NCBP1: variants seen among roughly 807,000 people sequenced by gnomAD.
The protein encoded by NCBP1 is nuclear cap binding protein subunit 1.
Under a neutral mutation model 111.7 loss-of-function variants are expected in NCBP1, and 16 were observed. That is an observed-to-expected ratio of 0.14 (90% CI 0.10 to 0.22). NCBP1 has a LOEUF of 0.22. Among genes scored for constraint, NCBP1 ranks in the 10% least tolerant of loss-of-function variants. The pLI, the probability that NCBP1 is intolerant of heterozygous loss-of-function variation, is 1.00. For missense variants in NCBP1, 607 were observed against 957.5 expected (o/e 0.63, Z 4.83); for synonymous variants, 304 against 314.3 (o/e 0.97, Z 0.35).
Position 97,634,054 on chromosome 9 carries a change from T to C in NCBP1, c.34+139T>C, listed in dbSNP as rs2282067. The C allele has an allele frequency of 0.029, 32,965 of 1,118,686 alleles. 4,802 individuals are homozygous for C. In the African/African-American group the frequency reaches 0.37, roughly 12 times the overall value. The allele number at this position is 1,118,686 out of a possible 1,614,324, so 69.3% of individuals were successfully genotyped here. ...AGCCGCGGAGGGAAAGAGGAGAATATGGTGGCGGTGTGGTCGGGCGGCTTC... is the reference window on the plus strand; with the variant it reads ...AGCCGCGGAGGGAAAGAGGAGAATACGGTGGCGGTGTGGTCGGGCGGCTTC... On this transcript the variant is annotated intron_variant, in intron 1 of 22. Transcript: ENST00000375147.
chr9:97,639,814 C>T (rs1337814093), intron 1 of NCBP1, among the ~76,000 whole-genome samples: 1 of 152,110 alleles, frequency 6.6e-6, no homozygotes, highest in East Asian at 1.9e-4. Context: ...GTAAGAGATA[C>T]AAACAGCAAG....
intron 1 of NCBP1, among the ~76,000 whole-genome samples, chr9:97,637,396 G>A (rs1250849787): frequency 4.6e-5 from 7 of 152,168 alleles, no homozygotes; most frequent in Non-Finnish European, 1.0e-4. Flanking sequence ...GTTCTTTTAA[G>A]AAAGTATTTA....
chr9:97,661,951 A>T, intron 16 of NCBP1, 91 bp from the exon 17 acceptor site: 1 of 820,370 alleles, frequency 1.2e-6, no homozygotes. Flanking sequence ...CTGTGTATAG[A>T]TGTGAGCAAC....
At chr9:97,661,192 G>A (rs1264936983) in intron 16 of NCBP1, 124 bp downstream of exon 16, 2 of 1,149,234 alleles carry the variant, frequency 1.7e-6, no homozygotes, top group Non-Finnish European at 2.4e-6. Flanking sequence ...TGTTCAGACT[G>A]TTGTTCTTAG....
intron 17 of NCBP1, 127 bp from the exon 18 acceptor site, chr9:97,662,827 T>A: frequency 1.5e-6 from 1 of 681,300 alleles, no homozygotes; most frequent in South Asian, 2.0e-5. Flanking sequence ...TCCTTAATGG[T>A]TAATACTTAG....
At chr9:97,669,729 G>C in intron 22 of NCBP1, 23 bp downstream of exon 22, 1 of 1,429,398 alleles carries the variant, frequency 7.0e-7, no homozygotes, top group Non-Finnish European at 9.9e-7. Context: ...CTTCGATTAG[G>C]TAATAACACT....
intron 18 of NCBP1, 107 bp downstream of exon 18, chr9:97,663,154 CTAGA>C: frequency 1.2e-6 from 1 of 831,860 alleles, no homozygotes. Context: ...TTGACTCTGC[CTAGA>C]TAATGGTTTT....
chr9:97,664,071 C>T (rs1814849926), intron 18 of NCBP1, among the ~76,000 whole-genome samples: 1 of 151,846 alleles, frequency 6.6e-6, no homozygotes, highest in Admixed American at 6.6e-5. Context: ...CTGAGCTGCT[C>T]AGGAGGTTGA....
At chr9:97,650,398 C>T in intron 8 of NCBP1, 105 bp from the exon 9 acceptor site, 1 of 752,240 alleles carries the variant, frequency 1.3e-6, no homozygotes, top group Admixed American at 2.7e-5. Context: ...ATCCCCATCA[C>T]CCAGTTTAGT....
Position 97,653,880 on chromosome 9 carries a change from A to G in NCBP1, c.1142A>G (p.Lys381Arg), listed in dbSNP as rs753651073. The G allele has an allele frequency of 6.2e-7, 1 of 1,613,800 alleles. No individual in the cohort carries two copies. The highest frequency in any genetic ancestry group is 1.1e-5 in the South Asian group (1 of 91,020). Residue 381 changes from lysine (K) to arginine (R), a missense_variant, in exon 11 of 23, where the codon AAA becomes AGA. Lys to Arg is a conservative substitution (Grantham distance 26). Transcript: ENST00000375147. ...ACAACACTCCTCATTGAACTGTGCA[A>G]ACTTCAACCTGGCTCTCTACCCCAA... ...MYTTLLIELCKLQPGSLPQVL... is the reference protein window; with the variant it reads ...MYTTLLIELCRLQPGSLPQVL...
chr9:97,665,160 C>G (rs1308578168), intron 19 of NCBP1, among the ~76,000 whole-genome samples: 1 of 152,194 alleles, frequency 6.6e-6, no homozygotes, highest in African/African-American at 2.4e-5. Context: ...CCAGAGGACA[C>G]TGATCAGAAA....
chr9:97,655,496 C>T (rs1459687746), intron 12 of NCBP1, among the ~76,000 whole-genome samples: 1 of 152,042 alleles, frequency 6.6e-6, no homozygotes, highest in Non-Finnish European at 1.5e-5. Context: ...TAGGTGCCCG[C>T]ACAAAACAGG....
At chr9:97,660,877 T>C in intron 15 of NCBP1, 69 bp from the exon 16 acceptor site, 2 of 1,507,260 alleles carry the variant, frequency 1.3e-6, no homozygotes, top group African/African-American at 1.4e-5. Flanking sequence ...TTCTCAGTTA[T>C]TTAACTGTTC....
intron 1 of NCBP1, among the ~76,000 whole-genome samples, chr9:97,637,470 A>G (rs184552576): frequency 7.0e-4 from 106 of 152,362 alleles, no homozygotes; most frequent in African/African-American, 2.3e-3. Context: ...GCAATTTACA[A>G]AAATTTCAGA....
intron 22 of NCBP1, 42 bp from the exon 23 acceptor site, chr9:97,671,041 ATAT>A: frequency 2.3e-6 from 3 of 1,289,090 alleles, no homozygotes; most frequent in Non-Finnish European, 3.4e-6. Context: ...AAGATTGCTT[ATAT>A]GCTTTTTCCT....
intron 1 of NCBP1, among the ~76,000 whole-genome samples, chr9:97,638,439 G>T (rs1260926757): frequency 6.6e-6 from 1 of 152,086 alleles, no homozygotes; most frequent in Non-Finnish European, 1.5e-5. Flanking sequence ...GCCTAGGAGG[G>T]TTGCTTTAAA....
At chr9:97,644,288 C>G (rs1458186516) in intron 4 of NCBP1, among the ~76,000 whole-genome samples, 4 of 152,104 alleles carry the variant, frequency 2.6e-5, no homozygotes, top group Middle Eastern at 3.2e-3. Context: ...TTTCTCTATT[C>G]TTGTCTCCCA....
At chr9:97,637,293 A>C (rs1303060451) in intron 1 of NCBP1, among the ~76,000 whole-genome samples, 1 of 152,240 alleles carries the variant, frequency 6.6e-6, no homozygotes, top group East Asian at 1.9e-4. Flanking sequence ...TATGGATACT[A>C]GTCCAGTGCT....
At chr9:97,664,211 C>T in intron 18 of NCBP1, 129 bp from the exon 19 acceptor site, 1 of 538,166 alleles carries the variant, frequency 1.9e-6, no homozygotes, top group Non-Finnish European at 3.3e-6. Context: ...ATTGATCAAT[C>T]AATTCCATAG....
Sources: allele counts gnomAD v4.1 joint callset (sites outside exome capture counted in the v4.1 genomes callset), GRCh38; gene constraint gnomAD v4.1.1; transcripts MANE v1.5; gene names NCBI Gene and HGNC (gene_info 2026-07-23, HGNC 2026-07-21).